Variants in CUL2 observed in about 807,000 individuals in gnomAD.
CUL2 encodes the protein cullin-2.
In CUL2, 22 loss-of-function variants were observed where a neutral mutation model predicts 110.2. The observed-to-expected ratio is 0.20, with a 90% CI of 0.14 to 0.28. The LOEUF is 0.28. CUL2 is among the 10% of genes least tolerant of loss of function. The probability of loss-of-function intolerance (pLI) is 1.00; values close to 1 mark genes in which losing one functional copy is unlikely to be tolerated. For synonymous variants in CUL2, 279 were observed against 293.2 expected (o/e 0.95, Z 0.49); for missense variants, 631 against 905.5 (o/e 0.70, Z 3.89).
intron 14 of CUL2, 57 bp from the exon 15 acceptor site, chr10:35,029,697 G>T: frequency 7.7e-7 from 1 of 1,303,492 alleles, no homozygotes. Flanking sequence ...AAGTCATATT[G>T]GTTAATAATA....
At position 35,011,211 on chromosome 10, in the gene CUL2, ATTTTTT is replaced by A. The variant is rs5784437; in HGVS notation, c.2106+631_2106+636del. Reference sequence around the variant, plus strand: ...AACTGGCTAATTTTTTAATTTTTTAATTTTTTTTTTTTTTTTTTTTTAGGTGAGATG... The same window carrying A: ...AACTGGCTAATTTTTTAATTTTTTAATTTTTTTTTTTTTTTAGGTGAGATG... On this transcript the variant is annotated intron_variant, in intron 20 of 20. Coordinates refer to ENST00000374749, the MANE Select transcript of CUL2 (RefSeq NM_003591.4). 1.2e-3 allele frequency among the ~76,000 whole-genome samples: 157 copies of A among 133,726 alleles called. No individual in the cohort carries two copies. The South Asian group carries it at 0.021, about 18-fold the overall frequency. 87.7% of individuals were successfully genotyped at this position (133,726 alleles called of 152,430 possible). A position where few individuals can be genotyped will look rare whatever the true frequency, so the allele number is the denominator to read the frequency against.
intron 1 of CUL2, among the ~76,000 whole-genome samples, chr10:35,082,975 T>C (rs2086977600): frequency 6.6e-6 from 1 of 151,904 alleles, no homozygotes; most frequent in Non-Finnish European, 1.5e-5. Context: ...CTGGCCAACA[T>C]GGTGAAACCC....
rs2087682079 is a variant in CUL2, at chr10:35,121,823, A to AAT, written c.-51+4781_-51+4782insAT. Reference sequence around the variant, plus strand: ...AGACCCTGTCTCAAAAAAAAAAAAAAAAATAAAAATTAGTTTAGTTTAACG... The same window carrying AAT: ...AGACCCTGTCTCAAAAAAAAAAAAAAATAAATAAAAATTAGTTTAGTTTAACG... On this transcript the variant is annotated intron_variant, in intron 1 of 5. Transcript: ENST00000685421. 3.5e-4 allele frequency among the ~76,000 whole-genome samples: 53 copies of AAT among 151,994 alleles called. 1 individual carries two copies. The South Asian group carries it at 0.011, about 31-fold the overall frequency.
intron 17 of CUL2, among the ~76,000 whole-genome samples, chr10:35,019,184 A>C (rs932175011): frequency 2.0e-5 from 3 of 152,210 alleles, no homozygotes; most frequent in Non-Finnish European, 4.4e-5. Flanking sequence ...ATCAAGCACC[A>C]AGATGATTAA....
chr10:35,057,162 C>T (rs1320321791), intron 4 of CUL2, among the ~76,000 whole-genome samples: 1 of 152,212 alleles, frequency 6.6e-6, no homozygotes, highest in East Asian at 1.9e-4. Flanking sequence ...CCTGCATTCA[C>T]TAATCCATTC....
At chr10:35,111,527 G>A (rs1010635213) in intron 1 of CUL2, among the ~76,000 whole-genome samples, 1 of 152,022 alleles carries the variant, frequency 6.6e-6, no homozygotes, top group African/African-American at 2.4e-5. Flanking sequence ...CAAAATGCTG[G>A]GATTACAGGT....
intron 6 of CUL2, among the ~76,000 whole-genome samples, chr10:35,045,209 A>G (rs1045346249): frequency 2.6e-5 from 4 of 152,216 alleles, no homozygotes; most frequent in African/African-American, 9.6e-5. Flanking sequence ...GGCGGTTAAG[A>G]ATGCTTGATT....
In CUL2 at chr10:35,011,251, C is replaced by T. The variant is rs180867295; in HGVS notation, c.2106+597G>A. On this transcript the variant is annotated intron_variant, in intron 20 of 20. Coordinates refer to ENST00000374749, the MANE Select transcript of CUL2 (RefSeq NM_003591.4). Reference sequence around the variant, plus strand: ...TTTTTTTAGGTGAGATGGGGTCTCCCTGTGTTGCCCAGGCTGGTCTGAAAC... The same window carrying T: ...TTTTTTTAGGTGAGATGGGGTCTCCTTGTGTTGCCCAGGCTGGTCTGAAAC... Among the ~76,000 whole-genome samples the T allele has an allele frequency of 8.4e-4, 124 of 146,844 alleles. 1 individual carries two copies. The highest frequency in any genetic ancestry group is 2.9e-3 in the African/African-American group (116 of 39,658).
intron 2 of CUL2, among the ~76,000 whole-genome samples, chr10:35,095,826 G>C (rs1564751634): frequency 1.3e-5 from 2 of 152,066 alleles, no homozygotes. Flanking sequence ...CTCCCAAAGA[G>C]TTGAGATTAC....
Position 35,044,689 on chromosome 10 carries a change from A to G in CUL2, c.604-13T>C. ...TTTCCTGATAAAACTGAATAAATCA[A>G]TTACATCATATTAGAAGAAATTAGA... On this transcript the variant is annotated splice_polypyrimidine_tract_variant and intron_variant, in intron 7 of 20. Coordinates refer to ENST00000374749, the MANE Select transcript of CUL2 (RefSeq NM_003591.4). 6.3e-7 allele frequency: 1 copy of G among 1,586,266 alleles called. No individual in the cohort carries two copies.
intron 16 of CUL2, among the ~76,000 whole-genome samples, 186 bp downstream of exon 16, chr10:35,028,624 A>G (rs1375720969): frequency 6.6e-6 from 1 of 152,212 alleles, no homozygotes; most frequent in Non-Finnish European, 1.5e-5. Context: ...TCTTCTTAGC[A>G]TTTTAGTATC....
At position 35,029,644 on chromosome 10, in the gene CUL2, TA is replaced by T. The variant is rs749619133; in HGVS notation, c.1387-5del. The T allele has an allele frequency of 6.3e-6, 10 of 1,576,802 alleles. No individual in the cohort carries two copies. In the South Asian group the frequency reaches 1.2e-4, roughly 19 times the overall value. On this transcript the variant is annotated splice_region_variant and splice_polypyrimidine_tract_variant and intron_variant, in intron 14 of 20. Coordinates refer to ENST00000374749, the MANE Select transcript of CUL2 (RefSeq NM_003591.4). ...TAAACTCATAACCACAGGCTTGCTA[TA>T]AAAAAGTTTTAGAAAATACATGAAT...
chr10:35,049,164 G>A, intron 6 of CUL2, among the ~76,000 whole-genome samples: 1 of 152,196 alleles, frequency 6.6e-6, no homozygotes, highest in South Asian at 2.1e-4. Context: ...TATTCACACA[G>A]CACTAGGGTA....
intron 16 of CUL2, among the ~76,000 whole-genome samples, chr10:35,026,813 C>T (rs981011695): frequency 6.6e-6 from 1 of 152,042 alleles, no homozygotes; most frequent in Non-Finnish European, 1.5e-5. Context: ...TATATGTTGA[C>T]TAAACTTATT....
chr10:35,057,667 GA>G (rs1441035346), intron 4 of CUL2, among the ~76,000 whole-genome samples: 4 of 146,398 alleles, frequency 2.7e-5, no homozygotes, highest in Non-Finnish European at 4.5e-5. Context: ...AAAAAAAAAA[GA>G]AAAAAAGAAA....
At chr10:35,051,506 G>T (rs1375068975) in intron 5 of CUL2, among the ~76,000 whole-genome samples, 1 of 152,080 alleles carries the variant, frequency 6.6e-6, no homozygotes, top group Non-Finnish European at 1.5e-5. Context: ...CCAGCTACTC[G>T]GGAGGCTGAG....
chr10:35,111,837 C>G (rs2087527360), intron 1 of CUL2, among the ~76,000 whole-genome samples: 1 of 152,198 alleles, frequency 6.6e-6, no homozygotes, highest in Non-Finnish European at 1.5e-5. Flanking sequence ...TTGCAGTGAG[C>G]TGAGATCGCA....
At chr10:35,063,183 A>G in intron 2 of CUL2, 121 bp from the exon 3 acceptor site, 1 of 600,764 alleles carries the variant, frequency 1.7e-6, no homozygotes, top group Non-Finnish European at 2.9e-6. Context: ...CTTATAATAT[A>G]CATAATACTG....
chr10:35,082,594 T>G (rs2086970475), intron 1 of CUL2, among the ~76,000 whole-genome samples: 2 of 152,314 alleles, frequency 1.3e-5, no homozygotes, highest in South Asian at 4.1e-4. Context: ...GCTTAAAAAC[T>G]AGATCACAGG....
Sources: allele counts gnomAD v4.1 joint callset (sites outside exome capture counted in the v4.1 genomes callset), GRCh38; gene constraint gnomAD v4.1.1; transcripts MANE v1.5; gene names NCBI Gene and HGNC (gene_info 2026-07-23, HGNC 2026-07-21).